The following TMEM165 variants were observed in gnomAD, a reference collection of about 807,000 sequenced individuals.
TMEM165 encodes transmembrane protein 165.
In TMEM165, 19 loss-of-function variants were observed where a neutral mutation model predicts 30.0. The ratio of observed to expected loss-of-function variants is 0.63; its 90% CI spans 0.44 to 0.93. The LOEUF is 0.93. Ranked by LOEUF, TMEM165 falls within the 40% of genes least tolerant of loss-of-function variation. The pLI, the probability that TMEM165 is intolerant of heterozygous loss-of-function variation, is 0.00. For synonymous variants in TMEM165, 168 were observed against 162.9 expected (o/e 1.03, Z -0.24); for missense variants, 340 against 417.0 (o/e 0.82, Z 1.61).
At chr4:55,432,629 G>C (rs947215916) in intron 3 of TMEM165, 1 of 115,940 alleles carries the variant, frequency 8.6e-6, no homozygotes, top group Admixed American at 1.2e-4. Context: ...GGGGCAGGGT[G>C]GGGGGCGGGA....
chr4:55,403,830 T>G lies in TMEM165; in HGVS notation c.207+7434T>G, dbSNP rs568862971. Among the ~76,000 whole-genome samples, 24 of 152,312 alleles carry G rather than the reference T, an allele frequency of 1.6e-4. No homozygotes were observed. In the South Asian group the frequency reaches 5.0e-3, roughly 32 times the overall value. Reference sequence around the variant, plus strand: ...CTTTTTCATGTTTTGGACAAAACTGTCATCCTTTGTGTACCTCCTCTCTGT... The same window carrying G: ...CTTTTTCATGTTTTGGACAAAACTGGCATCCTTTGTGTACCTCCTCTCTGT... On this transcript the variant is annotated intron_variant, in intron 1 of 5. Transcript: ENST00000381334.
intron 4 of TMEM165, among the ~76,000 whole-genome samples, chr4:55,422,795 G>T (rs745922605): frequency 6.6e-6 from 1 of 151,990 alleles, no homozygotes; most frequent in Non-Finnish European, 1.5e-5. Context: ...GACTACAGGT[G>T]CCTGCCACCA....
intron 2 of TMEM165, chr4:55,416,072 C>G (rs895168205): frequency 2.6e-5 from 4 of 152,006 alleles, no homozygotes; most frequent in African/African-American, 9.7e-5. Context: ...GACCAGTGGT[C>G]TCAAGCTCCT....
At chr4:55,446,899 A>C (rs1360846620) in intron 3 of TMEM165, among the ~76,000 whole-genome samples, 1 of 152,192 alleles carries the variant, frequency 6.6e-6, no homozygotes, top group Non-Finnish European at 1.5e-5. Flanking sequence ...CTCTATCTTC[A>C]ATAGTTTGTA....
At chr4:55,420,770 C>T (rs1278040699) in intron 4 of TMEM165, among the ~76,000 whole-genome samples, 1 of 152,130 alleles carries the variant, frequency 6.6e-6, no homozygotes, top group East Asian at 1.9e-4. Context: ...TTTAATGTTC[C>T]CAAATTGGAT....
intron 3 of TMEM165, among the ~76,000 whole-genome samples, chr4:55,441,835 A>G (rs948989884): frequency 6.6e-6 from 1 of 152,212 alleles, no homozygotes; most frequent in Non-Finnish European, 1.5e-5. Context: ...AGAGCAGTCC[A>G]CAAAACCTTC....
At chr4:55,417,470 A>G (rs1239028539) in intron 3 of TMEM165, among the ~76,000 whole-genome samples, 1 of 152,226 alleles carries the variant, frequency 6.6e-6, no homozygotes, top group Non-Finnish European at 1.5e-5. Flanking sequence ...ACAGGTAATC[A>G]GTTTCCTTAA....
intron 1 of TMEM165, among the ~76,000 whole-genome samples, chr4:55,400,325 A>G (rs1346953196): frequency 1.5e-4 from 12 of 80,504 alleles, no homozygotes; most frequent in Admixed American, 1.9e-4. Context: ...ATACTGTATT[A>G]TATATAATAT....
intron 3 of TMEM165, among the ~76,000 whole-genome samples, chr4:55,447,808 T>C (rs1284364486): frequency 6.6e-6 from 1 of 152,166 alleles, no homozygotes; most frequent in Non-Finnish European, 1.5e-5. Context: ...TTAATGATCA[T>C]TCCTTGAAAT....
intron 4 of TMEM165, among the ~76,000 whole-genome samples, chr4:55,421,766 T>G (rs552084909): frequency 6.6e-6 from 1 of 152,308 alleles, no homozygotes; most frequent in East Asian, 1.9e-4. Context: ...AGCAGTTCCC[T>G]TTCTTCATTC....
At chr4:55,419,130 G>A (rs533154349) in intron 4 of TMEM165, among the ~76,000 whole-genome samples, 20 of 152,178 alleles carry the variant, frequency 1.3e-4, no homozygotes, top group South Asian at 6.2e-4. Context: ...CTTATCTATC[G>A]TTGCGTACTG....
rs747488629 is a variant in TMEM165, at chr4:55,453,020, T to C, written c.*714T>C. On this transcript the variant is annotated 3_prime_UTR_variant, in exon 4 of 4. Transcript: ENST00000608091. ...GTTTCATCTTTTATTGGGGAGAAAT[T>C]AAAAATAATTTTTTTTAATTATAAG... The C allele has an allele frequency of 2.1e-6, 3 of 1,455,228 alleles. No homozygotes were observed. In the South Asian group the frequency reaches 3.7e-5, roughly 18 times the overall value. The allele number at this position is 1,455,228 out of a possible 1,614,324, so 90.1% of individuals were successfully genotyped here. A position where few individuals can be genotyped will look rare whatever the true frequency, so the allele number is the denominator to read the frequency against.
At chr4:55,400,358 TATA>T (rs1488521755) in intron 1 of TMEM165, among the ~76,000 whole-genome samples, 1 of 68,344 alleles carries the variant, frequency 1.5e-5, no homozygotes, top group African/African-American at 4.7e-5. Context: ...ATTATATTAA[TATA>T]ATTAATTATA....
intron 4 of TMEM165, chr4:55,424,142 T>C (rs1402540499): frequency 2.4e-5 from 4 of 164,052 alleles, no homozygotes; most frequent in African/African-American, 9.6e-5. Context: ...CTGTGAAGGA[T>C]TGACTGAGTT....
At chr4:55,400,277 AATATT>A (rs1443787872) in intron 1 of TMEM165, among the ~76,000 whole-genome samples, 1 of 102,592 alleles carries the variant, frequency 9.7e-6, no homozygotes, top group Admixed American at 1.4e-4. Context: ...TATATAATAT[AATATT>A]ATATATTATA....
intron 3 of TMEM165, chr4:55,443,994 AAAGC>A (rs1723584788): frequency 9.5e-7 from 1 of 1,056,496 alleles, no homozygotes; most frequent in Non-Finnish European, 1.4e-6. Context: ...GTATGTTTAA[AAAGC>A]AAGTAACAAG....
intron 1 of TMEM165, chr4:55,399,393 A>G (rs1431686084): frequency 6.6e-6 from 1 of 152,200 alleles, no homozygotes; most frequent in East Asian, 1.9e-4. Context: ...CACTTCAGTA[A>G]TTGAACTGAA....
chr4:55,437,306 G>C (rs1722959924), intron 3 of TMEM165, among the ~76,000 whole-genome samples: 1 of 152,110 alleles, frequency 6.6e-6, no homozygotes, highest in Non-Finnish European at 1.5e-5. Flanking sequence ...TTGATGATAA[G>C]TGCCCAGCCT....
chr4:55,423,457 G>T (rs1578244866), intron 4 of TMEM165: 1 of 152,062 alleles, frequency 6.6e-6, no homozygotes, highest in East Asian at 1.9e-4. Context: ...TTGAGATAGG[G>T]TCTTGCTCTG....
Sources: gnomAD v4.1 joint callset for allele counts (sites outside exome capture counted in the v4.1 genomes callset) on GRCh38, gnomAD v4.1.1 for gene constraint, MANE v1.5 for transcripts, NCBI Gene and HGNC (gene_info 2026-07-23, HGNC 2026-07-21) for gene names.